The following AP1B1 variants were observed in gnomAD, a reference collection of about 807,000 sequenced individuals.
AP1B1 encodes adaptor related protein complex 1 subunit beta 1, also known as AP-1 complex subunit beta-1.
Under a neutral mutation model 104.3 loss-of-function variants are expected in AP1B1, and 36 were observed. That is an observed-to-expected ratio of 0.35 (90% confidence interval 0.26 to 0.46). The LOEUF (loss-of-function observed/expected upper bound fraction) is 0.46. AP1B1 is among the 20% of genes least tolerant of loss of function. The pLI is 1.00. For missense variants in AP1B1, 901 were observed against 1,247.9 expected, an observed-to-expected ratio of 0.72 and a Z score of 4.19; for synonymous variants, 504 against 517.5, an observed-to-expected ratio of 0.97 and a Z score of 0.35.
At chr22:29,356,682 A>G (rs1467034414) in intron 5 of AP1B1, 66 bp from the exon 6 acceptor site, 2 of 1,462,050 alleles carry the variant, frequency 1.4e-6, no homozygotes, top group Non-Finnish European at 1.9e-6. Context: ...GCAGTGCATT[A>G]ATGATGCTGG....
intron 11 of AP1B1, among the ~76,000 whole-genome samples, chr22:29,342,587 A>G (rs2061731206): frequency 6.6e-6 from 1 of 152,184 alleles, no homozygotes; most frequent in Admixed American, 6.5e-5. Flanking sequence ...GGCATCACTC[A>G]CTCAGGAAGG....
rs759728681 is a variant in AP1B1 at position 29,349,355 on chromosome 22, C to T, written c.1300G>A (p.Glu434Lys). ...KYESVIATLC[E>K]NLDSLDEPEA... is the part of the protein sequence containing the mutation. The stretch of plus-strand genomic sequence containing the variant: ...GGCTCATCCAGGGAGTCCAGATTCT[C>T]ACACAGTGTGGCAATCACACTCTCA... The change falls in exon 11 of 23, where the codon GAG (glutamate) becomes AAG (lysine). Residue 434 changes from glutamate (E) to lysine (K), a missense_variant. Physicochemically the swap from Glu to Lys is moderately conservative, Grantham distance 56 (BLOSUM62 1). This residue lies in a region of AP1B1 where 471 missense variants were observed against 696.7 expected (regional missense o/e 0.68). Transcript: ENST00000357586. The T allele has an allele frequency of 1.9e-6, 3 of 1,614,014 alleles. No homozygotes were observed. Among genetic ancestry groups the T allele is most frequent in the East Asian group, 4.5e-5 (2 of 44,880 alleles).
chr22:29,357,390 G>T (rs942012872), intron 5 of AP1B1, among the ~76,000 whole-genome samples: 3 of 151,968 alleles, frequency 2.0e-5, no homozygotes, highest in African/African-American at 7.3e-5. Context: ...TTTTGAGATT[G>T]AGTCTCACTG....
chr22:29,334,886 T>A (rs1476750707), intron 16 of AP1B1, among the ~76,000 whole-genome samples: 1 of 152,194 alleles, frequency 6.6e-6, no homozygotes, highest in African/African-American at 2.4e-5. Flanking sequence ...AGGGCTGGCC[T>A]TTGGCTGTAG....
chr22:29,362,993 C>G lies in AP1B1; in HGVS notation c.143+8G>C, dbSNP rs373214139. 1.9e-6 allele frequency: 3 copies of G among 1,611,730 alleles called. No homozygotes were observed. In the African/African-American group the frequency reaches 4.0e-5, roughly 22 times the overall value. ...CTTCTAGCTGCCACCAGGCCTACTC[C>G]TGCACACCTGACATCTTTGCCCACG... On this transcript the variant is annotated splice_region_variant and intron_variant, in intron 3 of 22. Transcript: ENST00000357586.
chr22:29,369,837 A>ATTTTTT (rs564733165), intron 1 of AP1B1, among the ~76,000 whole-genome samples: 2 of 120,218 alleles, frequency 1.7e-5, no homozygotes, highest in Non-Finnish European at 3.5e-5. Context: ...ATTAAAAACG[A>ATTTTTT]TTTTTTTTTT....
chr22:29,381,298 C>T (rs774242773), intron 1 of AP1B1, among the ~76,000 whole-genome samples: 7 of 152,140 alleles, frequency 4.6e-5, no homozygotes, highest in Non-Finnish European at 1.0e-4. Context: ...ATTACCTACA[C>T]ACTATAAAAT....
Position 29,328,676 on chromosome 22 carries a change from G to T in AP1B1, c.*145C>A. 1 of 1,013,604 alleles carries T rather than the reference G, an allele frequency of 9.9e-7. No homozygotes were observed. The highest frequency in any genetic ancestry group is 1.4e-6 in the Non-Finnish European group (1 of 703,866). 62.8% of individuals were successfully genotyped at this position (1,013,604 alleles called of 1,614,324 possible). A position where few individuals can be genotyped will look rare whatever the true frequency, so the allele number is the denominator to read the frequency against. On this transcript the variant is annotated 3_prime_UTR_variant, in exon 23 of 23. Transcript: ENST00000357586. The surrounding 1 kb of genome is among the most constrained non-coding windows in gnomAD (Gnocchi z 4.1). Reference sequence around the variant, plus strand: ...GGGTGGTGCCCTACCCCAGGGATCGGGTGGGTTCTGCCATCAGGACCAGGG... The same window carrying T: ...GGGTGGTGCCCTACCCCAGGGATCGTGTGGGTTCTGCCATCAGGACCAGGG...
intron 9 of AP1B1, among the ~76,000 whole-genome samples, chr22:29,350,617 C>A (rs984149064): frequency 6.6e-6 from 1 of 152,146 alleles, no homozygotes; most frequent in Non-Finnish European, 1.5e-5. Flanking sequence ...AGGGTGAGCA[C>A]GCCTCAAGGG....
chr22:29,329,569 A>T (rs1347787038), intron 22 of AP1B1, 143 bp downstream of exon 22: 4 of 1,517,514 alleles, frequency 2.6e-6, no homozygotes, highest in Non-Finnish European at 3.5e-6. Flanking sequence ...TCAGCACCTC[A>T]ATCAGGGCCA....
chr22:29,351,766 T>C lies in AP1B1; in HGVS notation c.998A>G (p.Tyr333Cys). The C allele has an allele frequency of 7.4e-6, 12 of 1,614,226 alleles. No individual in the cohort carries two copies. The highest frequency in any genetic ancestry group is 1.7e-5 in the Admixed American group (1 of 60,036). ...VFFVKYNDPI[Y>C]VKLEKLDIMI... ...GATGTCCAGCTTCTCCAGCTTCACG[T>C]AGATAGGGTCGTTGTACTTCACGAA... is the stretch of plus-strand genomic sequence containing the variant. Residue 333 changes from tyrosine (Y) to cysteine (C), a missense_variant, in exon 8 of 23, where the codon TAC (tyrosine) becomes TGC (cysteine). Physicochemically the swap from Tyr to Cys is radical, Grantham distance 194 (BLOSUM62 -2). Coordinates refer to ENST00000357586, the MANE Select transcript of AP1B1 (RefSeq NM_001127.4).
chr22:29,338,286 A>G (rs1466148492), intron 16 of AP1B1, among the ~76,000 whole-genome samples: 3 of 152,044 alleles, frequency 2.0e-5, no homozygotes, highest in African/African-American at 4.8e-5. Context: ...TCTTACTCCA[A>G]ACCTTACTGG....
At chr22:29,360,041 G>A (rs555313194) in intron 3 of AP1B1, 82 bp from the exon 4 acceptor site, 1 of 1,480,624 alleles carries the variant, frequency 6.8e-7, no homozygotes, top group African/African-American at 1.4e-5. Context: ...TAGTGGGTGA[G>A]AGGACAGTGG....
chr22:29,342,365 T>C lies in AP1B1; in HGVS notation c.1456A>G (p.Thr486Ala), dbSNP rs1377125768. The change falls in exon 12 of 23, where the codon ACA (threonine) becomes GCA (alanine). Residue 486 changes from threonine (T) to alanine (A), a missense_variant. Thr to Ala is a moderately conservative substitution (Grantham distance 58). Coordinates refer to ENST00000357586, the MANE Select transcript of AP1B1 (RefSeq NM_001127.4). ...ESTQVQLQLL[T>A]AIVKLFLKKP... ...TTTAGAAAGAGTTTCACAATGGCTG[T>C]CAGCAGCTGCAGCTGGACCTGCAGG... The C allele has an allele frequency of 1.2e-6, 2 of 1,613,948 alleles. No homozygotes were observed. The highest frequency in any genetic ancestry group is 1.7e-5 in the Admixed American group (1 of 60,004).
intron 16 of AP1B1, 40 bp downstream of exon 16, chr22:29,338,950 T>C (rs1417160329): frequency 6.2e-7 from 1 of 1,612,340 alleles, no homozygotes. Context: ...TCTCCATAAC[T>C]TCTCTCTGCT....
chr22:29,354,019 C>T (rs2061916548), intron 7 of AP1B1, among the ~76,000 whole-genome samples: 1 of 152,148 alleles, frequency 6.6e-6, no homozygotes, highest in African/African-American at 2.4e-5. Context: ...CTCTCGCCTA[C>T]CCCCCACTAC....
intron 14 of AP1B1, among the ~76,000 whole-genome samples, chr22:29,340,376 C>A (rs1262260776): frequency 6.6e-6 from 1 of 152,194 alleles, no homozygotes; most frequent in Non-Finnish European, 1.5e-5. Context: ...ATGCGCCTCC[C>A]TGCCCAGGGT....
At chr22:29,384,408 G>C (rs1226021982) in intron 1 of AP1B1, among the ~76,000 whole-genome samples, 1 of 152,186 alleles carries the variant, frequency 6.6e-6, no homozygotes, top group Admixed American at 6.5e-5. Context: ...ATGGACAGGA[G>C]ATAATCTAGA....
chr22:29,380,966 T>G (rs573935192), intron 1 of AP1B1, among the ~76,000 whole-genome samples: 1 of 152,308 alleles, frequency 6.6e-6, no homozygotes, highest in African/African-American at 2.4e-5. Flanking sequence ...CTCTCACGCA[T>G]GCACCCTGCT....
Sources: gnomAD v4.1 joint callset for allele counts (sites outside exome capture counted in the v4.1 genomes callset) on GRCh38, gnomAD v4.1.1 for gene constraint, gnomAD v4.1.1 regional missense constraint, Gnocchi (gnomAD v3.1) non-coding constraint, MANE v1.5 for transcripts, NCBI Gene and HGNC (gene_info 2026-07-23, HGNC 2026-07-21) for gene names.